The following SPAG5 variants were observed in gnomAD, a reference collection of about 807,000 sequenced individuals.
The protein encoded by SPAG5 is sperm associated antigen 5.
SPAG5 carries 99 observed loss-of-function variants against 145.4 expected under a neutral mutation model. The observed-to-expected ratio is 0.68, with a 90% CI of 0.58 to 0.80. SPAG5 has a LOEUF of 0.80. Among genes scored for constraint, SPAG5 ranks in the 30% least tolerant of loss-of-function variants. The pLI is 0.00. For synonymous variants in SPAG5, 477 were observed against 525.4 expected, an observed-to-expected ratio of 0.91 and a Z score of 1.26; for missense variants, 1,192 against 1,416.0, an observed-to-expected ratio of 0.84 and a Z score of 2.54.
chr17:28,596,611 C>T (rs1315722241), intron 2 of SPAG5, among the ~76,000 whole-genome samples: 4 of 150,788 alleles, frequency 2.7e-5, no homozygotes, highest in African/African-American at 9.7e-5. Flanking sequence ...GAGGTTGCAA[C>T]GAGCCAAGAT....
At chr17:28,580,343 A>C in intron 15 of SPAG5, 1 of 307,440 alleles carries the variant, frequency 3.3e-6, no homozygotes, top group African/African-American at 2.1e-5. Flanking sequence ...AACAAAACAA[A>C]ACCCTTCTTC....
rs775981452 is a variant in SPAG5 at position 28,579,753 on chromosome 17, G to A, written c.2882C>T (p.Ala961Val). ...RVASMVSLQPAETPGMEESLA... is the reference protein window; with the variant it reads ...RVASMVSLQPVETPGMEESLA... ...GGATCCCTGGAGCCCCTCCTAACCTGCGGGCTGAAGGGAAACCATTGATGC... is the reference window on the plus strand; with the variant it reads ...GGATCCCTGGAGCCCCTCCTAACCTACGGGCTGAAGGGAAACCATTGATGC... The change falls in exon 17 of 24, where the codon GCA (alanine) becomes GTA (valine). Residue 961 changes from alanine (A) to valine (V), a missense_variant and splice_region_variant. Around this residue, in one of 5 missense-constraint regions of SPAG5, gnomAD observed 709 missense variants for 840.7 expected, o/e 0.84. Coordinates refer to ENST00000321765, the MANE Select transcript of SPAG5 (RefSeq NM_006461.4). The A allele has an allele frequency of 5.0e-6, 8 of 1,613,714 alleles. No individual in the cohort carries two copies. The highest frequency in any genetic ancestry group is 5.9e-6 in the Non-Finnish European group (7 of 1,179,628).
At chr17:28,588,217 G>A (rs2070598709) in intron 4 of SPAG5, among the ~76,000 whole-genome samples, 1 of 152,234 alleles carries the variant, frequency 6.6e-6, no homozygotes, top group African/African-American at 2.4e-5. Flanking sequence ...CAGCTGGACA[G>A]TCAGGCAGGT....
chr17:28,590,863 C>T (rs149899838), intron 4 of SPAG5, among the ~76,000 whole-genome samples: 3,903 of 110,062 alleles, frequency 0.035, 212 homozygotes, highest in African/African-American at 0.13. Context: ...AGTGAGACTC[C>T]GTCTCAAAAA....
Position 28,585,989 on chromosome 17 carries a change from C to T in SPAG5, c.1615G>A (p.Ala539Thr). The change falls in exon 7 of 24, where the codon GCA (alanine) becomes ACA (threonine). Residue 539 changes from alanine (A) to threonine (T), a missense_variant. Transcript: ENST00000321765. ...AAACAGCAACAGACCAATGTTTCTG[C>T]ACGCCGAGACTATATGGTAAGAATC... ...KTTVSQESRR[A>T]ETLVCCCFDL... The T allele has an allele frequency of 6.2e-7, 1 of 1,614,230 alleles. No individual in the cohort carries two copies. Among genetic ancestry groups the T allele is most frequent in the Non-Finnish European group, 8.5e-7 (1 of 1,180,046 alleles).
rs377425442 is a variant in SPAG5 at position 28,584,192 on chromosome 17, A to G, written c.2370T>C (p.Ala790=). 6 of 1,613,926 alleles carry G rather than the reference A, an allele frequency of 3.7e-6. No individual in the cohort carries two copies. The highest frequency in any genetic ancestry group is 2.2e-5 in the East Asian group (1 of 44,898). ...GGTCCCGCACCTCTTTGGCCAGGAC[A>G]GCTTGTTGCTGCTGCAGTTCTGCCT... The part of the protein sequence containing the change: ...HMQAELQQQQ[A]VLAKEVRDLK... The change falls in exon 13 of 24, where the codon GCT becomes GCC. Residue 790 remains alanine, a synonymous_variant. Transcript: ENST00000321765.
chr17:28,578,754 T>C lies in SPAG5; in HGVS notation c.3118-2A>G. 1 of 1,612,052 alleles carries C rather than the reference T, an allele frequency of 6.2e-7. No homozygotes were observed. The highest frequency in any genetic ancestry group is 8.5e-7 in the Non-Finnish European group (1 of 1,178,254). The stretch of plus-strand genomic sequence containing the variant: ...CACTTCCTGGAGCTCCTTTTCATTC[T>C]GTGAGGGAAAGGGAGGTGAGAAGAC... On this transcript the variant is annotated splice_acceptor_variant, in intron 19 of 23. Transcript: ENST00000321765. LOFTEE classifies it high-confidence loss of function.
At chr17:28,590,016 G>A (rs373630878) in intron 4 of SPAG5, among the ~76,000 whole-genome samples, 1 of 152,116 alleles carries the variant, frequency 6.6e-6, no homozygotes, top group Non-Finnish European at 1.5e-5. Flanking sequence ...TGACCGGAAG[G>A]CTTTAAAGTG....
rs1194464357 is a variant in SPAG5 at position 28,585,394 on chromosome 17, C to G, written c.1878G>C (p.Lys626Asn). Residue 626 changes from lysine (K) to asparagine (N), a missense_variant, in exon 9 of 24, where the codon AAG (lysine) becomes AAC (asparagine). This residue lies in a region of SPAG5 where 709 missense variants were observed against 840.7 expected (regional missense o/e 0.84). Coordinates refer to ENST00000321765, the MANE Select transcript of SPAG5 (RefSeq NM_006461.4). Reference protein sequence around the residue: ...AQTQLVGLHAKQEELVQQTVS... With the variant: ...AQTQLVGLHANQEELVQQTVS... ...CTGTCTGCTGAACCAGCTCTTCTTGCTTGGCATGAAGCCCTACCTACAAAA... is the reference window on the plus strand; with the variant it reads ...CTGTCTGCTGAACCAGCTCTTCTTGGTTGGCATGAAGCCCTACCTACAAAA... 1 of 1,614,198 alleles carries G rather than the reference C, an allele frequency of 6.2e-7. No individual in the cohort carries two copies. Among genetic ancestry groups the G allele is most frequent in the Non-Finnish European group, 8.5e-7 (1 of 1,180,038 alleles).
chr17:28,580,517 T>C (rs1362702130), intron 15 of SPAG5: 1 of 152,924 alleles, frequency 6.5e-6, no homozygotes, highest in South Asian at 2.1e-4. Context: ...ACCTAAATTC[T>C]TGTCATTTGG....
chr17:28,584,433 T>C lies in SPAG5; in HGVS notation c.2209A>G (p.Lys737Glu). ...QILANMDSQLKELQSQHTHCA... is the reference protein window; with the variant it reads ...QILANMDSQLEELQSQHTHCA... ...TGGGTATGCTGACTCTGTAGCTCTTTTAGCTGGCTGTCCATGTTGGCCAGA... is the reference window on the plus strand; with the variant it reads ...TGGGTATGCTGACTCTGTAGCTCTTCTAGCTGGCTGTCCATGTTGGCCAGA... The change falls in exon 12 of 24, where the codon AAA becomes GAA. Residue 737 changes from lysine to glutamate, a missense_variant. This residue lies in a region of SPAG5 where 709 missense variants were observed against 840.7 expected (regional missense o/e 0.84). Coordinates refer to ENST00000321765, the MANE Select transcript of SPAG5 (RefSeq NM_006461.4). 3.1e-6 allele frequency: 5 copies of C among 1,614,118 alleles called. No individual in the cohort carries two copies. Among genetic ancestry groups the C allele is most frequent in the Non-Finnish European group, 4.2e-6 (5 of 1,180,044 alleles).
intron 15 of SPAG5, among the ~76,000 whole-genome samples, chr17:28,583,121 G>T (rs2070559178): frequency 2.6e-5 from 4 of 152,194 alleles, no homozygotes. Context: ...GGGACTACAG[G>T]TTCACAACAC....
chr17:28,579,911 G>T, intron 16 of SPAG5, 74 bp from the exon 17 acceptor site: 6 of 1,547,644 alleles, frequency 3.9e-6, no homozygotes, highest in Non-Finnish European at 5.4e-6. Flanking sequence ...TGGAAGCCAG[G>T]GTAAGATAGA....
At chr17:28,581,959 A>G (rs2070551680) in intron 15 of SPAG5, among the ~76,000 whole-genome samples, 1 of 151,958 alleles carries the variant, frequency 6.6e-6, no homozygotes, top group Admixed American at 6.6e-5. Context: ...TTTCCTAGCA[A>G]TCTAAGGATC....
Position 28,578,085 on chromosome 17 carries a change from A to G in SPAG5, c.3435T>C (p.Asn1145=), listed in dbSNP as rs750404181. 7.5e-5 allele frequency: 121 copies of G among 1,613,910 alleles called. No homozygotes were observed. Among genetic ancestry groups the G allele is most frequent in the Non-Finnish European group, 9.7e-5 (115 of 1,179,890 alleles). ...AGCGCCGAAGGTTCTCCTCTAGGATATTTCTCTAGAAAGCAAACAGATTTT... is the reference window on the plus strand; with the variant it reads ...AGCGCCGAAGGTTCTCCTCTAGGATGTTTCTCTAGAAAGCAAACAGATTTT... ...KLMIKFQSHR[N]ILEENLRRSD... Residue 1145 remains asparagine, a synonymous_variant, in exon 23 of 24, where the codon AAT becomes AAC. Coordinates refer to ENST00000321765, the MANE Select transcript of SPAG5 (RefSeq NM_006461.4).
chr17:28,595,881 T>C (rs2070661282), intron 2 of SPAG5, among the ~76,000 whole-genome samples: 1 of 151,946 alleles, frequency 6.6e-6, no homozygotes, highest in African/African-American at 2.4e-5. Context: ...ACCCTGTCTC[T>C]ACTAAAAATA....
chr17:28,585,634 G>T lies in SPAG5; in HGVS notation c.1760C>A (p.Ala587Asp), dbSNP rs1271188573. The change falls in exon 8 of 24, where the codon GCT becomes GAT. Residue 587 changes from alanine (A) to aspartate (D), a missense_variant. By Grantham distance (126) the Ala-to-Asp change is moderately radical. Coordinates refer to ENST00000321765, the MANE Select transcript of SPAG5 (RefSeq NM_006461.4). ...GKDAAEIVLE[A>D]FCAHASQRIS... ...GCGCTGGCTGGCGTGTGCACAGAAA[G>T]CCTCCAACACTATCTCTGCCTATTG... 1 of 1,613,956 alleles carries T rather than the reference G, an allele frequency of 6.2e-7. No homozygotes were observed. The highest frequency in any genetic ancestry group is 1.7e-5 in the Admixed American group (1 of 60,034).
At chr17:28,597,480 T>C (rs927555720) in intron 2 of SPAG5, among the ~76,000 whole-genome samples, 3 of 152,204 alleles carry the variant, frequency 2.0e-5, no homozygotes, top group African/African-American at 7.2e-5. Context: ...AATAACCATG[T>C]GACTAGTAGT....
intron 23 of SPAG5, 93 bp downstream of exon 23, chr17:28,577,917 C>T: frequency 7.8e-7 from 1 of 1,275,770 alleles, no homozygotes; most frequent in South Asian, 1.2e-5. Flanking sequence ...GCTCTCAGCA[C>T]AGGCTGGGAA....
Sources: gnomAD v4.1 joint callset for allele counts (sites outside exome capture counted in the v4.1 genomes callset) on GRCh38, gnomAD v4.1.1 for gene constraint, gnomAD v4.1.1 regional missense constraint, MANE v1.5 for transcripts, NCBI Gene and HGNC (gene_info 2026-07-23, HGNC 2026-07-21) for gene names.